Variants in SMYD3 observed in about 807,000 individuals in gnomAD.
The protein encoded by SMYD3 is SET and MYND domain containing 3.
SMYD3 carries 36 observed loss-of-function variants against 57.7 expected under a neutral mutation model. The ratio of observed to expected loss-of-function variants is 0.62; its 90% confidence interval spans 0.48 to 0.82. The LOEUF (loss-of-function observed/expected upper bound fraction) is 0.82. Among genes scored for constraint, SMYD3 ranks in the 40% least tolerant of loss-of-function variants. The pLI is 0.00. For missense variants in SMYD3, 515 were observed against 538.8 expected, an observed-to-expected ratio of 0.96 and a Z score of 0.44; for synonymous variants, 211 against 195.0, an observed-to-expected ratio of 1.08 and a Z score of -0.68.
At chr1:246,396,824 T>C (rs1422748510) in intron 1 of SMYD3, among the ~76,000 whole-genome samples, 7 of 152,250 alleles carry the variant, frequency 4.6e-5, no homozygotes, top group Admixed American at 3.9e-4. Context: ...GAAGACTGTA[T>C]GGCCTACAGA....
chr1:245,818,785 A>G (rs2048993881), intron 10 of SMYD3, among the ~76,000 whole-genome samples: 1 of 151,952 alleles, frequency 6.6e-6, no homozygotes, highest in Admixed American at 6.6e-5. Flanking sequence ...CAAAGATCAA[A>G]AGAGACAAAG....
At chr1:246,354,896 C>T in intron 2 of SMYD3, 135 bp downstream of exon 2, 2 of 743,258 alleles carry the variant, frequency 2.7e-6, no homozygotes, top group Non-Finnish European at 4.5e-6. Flanking sequence ...ACCTGTGTGA[C>T]TCAGCAGGTG....
intron 5 of SMYD3, among the ~76,000 whole-genome samples, chr1:246,271,885 A>G (rs1293183124): frequency 6.6e-6 from 1 of 152,198 alleles, no homozygotes; most frequent in East Asian, 1.9e-4. Context: ...GCCTTTGGGT[A>G]GGTAATGACA....
intron 1 of SMYD3, among the ~76,000 whole-genome samples, chr1:246,385,608 G>A (rs1212878277): frequency 1.3e-5 from 2 of 152,114 alleles, no homozygotes; most frequent in Non-Finnish European, 2.9e-5. Flanking sequence ...TTATCTGAGT[G>A]AAAGAATTCA....
chr1:246,399,750 A>G (rs2066737549), intron 1 of SMYD3, among the ~76,000 whole-genome samples: 1 of 152,230 alleles, frequency 6.6e-6, no homozygotes, highest in Non-Finnish European at 1.5e-5. Flanking sequence ...CAAACTATAA[A>G]GTAAGCCATA....
intron 5 of SMYD3, among the ~76,000 whole-genome samples, chr1:245,952,346 G>T (rs1389288564): frequency 3.9e-5 from 6 of 152,212 alleles, no homozygotes; most frequent in Middle Eastern, 3.4e-3. Context: ...GGGAACAGAT[G>T]AGTTGATGAC....
intron 10 of SMYD3, among the ~76,000 whole-genome samples, chr1:245,851,503 C>T (rs1278155065): frequency 6.6e-6 from 1 of 152,130 alleles, no homozygotes; most frequent in Non-Finnish European, 1.5e-5. Flanking sequence ...CTCCTACCGG[C>T]CAAGGCATAT....
At chr1:246,377,368 T>TC (rs1487972309) in intron 1 of SMYD3, among the ~76,000 whole-genome samples, 1 of 150,432 alleles carries the variant, frequency 6.6e-6, no homozygotes, top group Non-Finnish European at 1.5e-5. Context: ...GGCAAATAAT[T>TC]CTTTTTTTTT....
At chr1:246,505,483 A>G (rs568055107) in intron 1 of SMYD3, among the ~76,000 whole-genome samples, 1 of 151,250 alleles carries the variant, frequency 6.6e-6, no homozygotes, top group South Asian at 2.1e-4. Flanking sequence ...CGTGGTACCT[A>G]CTGCAGAATC....
At chr1:246,290,527 G>T (rs1440109713) in intron 5 of SMYD3, among the ~76,000 whole-genome samples, 2 of 152,216 alleles carry the variant, frequency 1.3e-5, no homozygotes, top group East Asian at 1.9e-4. Context: ...TAACTTCAAG[G>T]CTTAACTTTC....
chr1:246,077,405 C>G (rs191616790), intron 5 of SMYD3, among the ~76,000 whole-genome samples: 47 of 152,202 alleles, frequency 3.1e-4, no homozygotes, highest in African/African-American at 1.0e-3. Flanking sequence ...AAGAGAACAA[C>G]AAGTTAGAAA....
intron 8 of SMYD3, among the ~76,000 whole-genome samples, chr1:245,881,050 C>A (rs2052753582): frequency 1.3e-5 from 2 of 152,188 alleles, no homozygotes; most frequent in South Asian, 4.1e-4. Flanking sequence ...GGCTTATAGG[C>A]CCCTATGAAA....
chr1:246,127,886 A>C (rs185927643), intron 5 of SMYD3, among the ~76,000 whole-genome samples: 1 of 147,774 alleles, frequency 6.8e-6, no homozygotes, highest in African/African-American at 2.5e-5. Flanking sequence ...ACAGAGCAAG[A>C]CTCTGTCTCA....
chr1:245,900,624 T>TTA (rs745522857), intron 8 of SMYD3, among the ~76,000 whole-genome samples: 7 of 152,192 alleles, frequency 4.6e-5, no homozygotes, highest in Non-Finnish European at 1.0e-4. Flanking sequence ...AAAGCTACGT[T>TTA]TAGTTGGGCT....
chr1:246,108,395 T>A (rs2061168879), intron 5 of SMYD3, among the ~76,000 whole-genome samples: 1 of 152,200 alleles, frequency 6.6e-6, no homozygotes, highest in South Asian at 2.1e-4. Flanking sequence ...GTACTTAAAA[T>A]CTCAGCAAAG....
chr1:246,162,023 T>C (rs7513980), intron 5 of SMYD3, among the ~76,000 whole-genome samples: 2,289 of 152,210 alleles, frequency 0.015, 53 homozygotes, highest in African/African-American at 0.053. Context: ...GGCAGAGCTG[T>C]GGGTTCAGTA....
At chr1:245,781,773 A>C (rs1311880726) in intron 10 of SMYD3, among the ~76,000 whole-genome samples, 1 of 152,056 alleles carries the variant, frequency 6.6e-6, no homozygotes, top group Non-Finnish European at 1.5e-5. Flanking sequence ...AGGTGGAGAC[A>C]ATCCTGGCTA....
chr1:245,983,879 A>G (rs2058649772), intron 5 of SMYD3, among the ~76,000 whole-genome samples: 3 of 152,156 alleles, frequency 2.0e-5, no homozygotes, highest in South Asian at 4.1e-4. Flanking sequence ...GAGTGTAATG[A>G]GGGAGAGAAT....
chr1:246,095,391 G>A (rs893910316), intron 5 of SMYD3, among the ~76,000 whole-genome samples: 2 of 152,242 alleles, frequency 1.3e-5, no homozygotes, highest in Admixed American at 6.5e-5. Flanking sequence ...AGAAGTGAGT[G>A]CACACAGGGG....
Sources: gnomAD v4.1 joint callset for allele counts (sites outside exome capture counted in the v4.1 genomes callset) on GRCh38, gnomAD v4.1.1 for gene constraint, MANE v1.5 for transcripts, NCBI Gene and HGNC (gene_info 2026-07-23, HGNC 2026-07-21) for gene names.